GLI2: variants seen among roughly 807,000 people sequenced by gnomAD.
GLI2 encodes transcription activator GLI2.
GLI2 carries 22 observed loss-of-function variants against 78.9 expected under a neutral mutation model. The observed-to-expected ratio is 0.28, with a 90% CI of 0.20 to 0.40. GLI2 has a LOEUF of 0.40. Ranked by LOEUF, GLI2 falls within the 10% of genes least tolerant of loss-of-function variation. The pLI, the probability that GLI2 is intolerant of heterozygous loss-of-function variation, is 1.00. For missense variants in GLI2, 2,097 were observed against 2,213.2 expected, an observed-to-expected ratio of 0.95 and a Z score of 1.05; for synonymous variants, 974 against 963.7, an observed-to-expected ratio of 1.01 and a Z score of -0.20.
intron 1 of GLI2, among the ~76,000 whole-genome samples, chr2:120,777,329 AGTGAGT>A (rs1455668849): frequency 6.6e-6 from 1 of 151,554 alleles, no homozygotes; most frequent in African/African-American, 2.4e-5. Flanking sequence ...GCCGTGTGTG[AGTGAGT>A]GTGGGAGACG....
intron 2 of GLI2, among the ~76,000 whole-genome samples, chr2:120,891,124 G>T (rs1677659028): frequency 6.6e-6 from 1 of 152,204 alleles, no homozygotes; most frequent in Admixed American, 6.5e-5. Flanking sequence ...GCTGATGGCT[G>T]GTGGGGAGCA....
chr2:120,849,721 G>C (rs1228984614), intron 2 of GLI2, among the ~76,000 whole-genome samples: 3 of 152,216 alleles, frequency 2.0e-5, no homozygotes. Flanking sequence ...GACATCTGAA[G>C]AAAGGCTGCT....
chr2:120,797,662 A>ACCC (rs745311488), intron 2 of GLI2, among the ~76,000 whole-genome samples, 194 bp downstream of exon 2: 10 of 147,134 alleles, frequency 6.8e-5, no homozygotes, highest in South Asian at 2.2e-4. Context: ...AGGTCTGGCC[A>ACCC]CCCCAAGTCC....
intron 2 of GLI2, among the ~76,000 whole-genome samples, chr2:120,897,795 G>C (rs1200910290): frequency 6.6e-6 from 1 of 152,114 alleles, no homozygotes; most frequent in Non-Finnish European, 1.5e-5. Flanking sequence ...TACTCATGCT[G>C]AGCTGGTATC....
chr2:120,968,967 C>T (rs777338203), intron 6 of GLI2, 52 bp downstream of exon 6: 1 of 1,449,508 alleles, frequency 6.9e-7, no homozygotes, highest in East Asian at 2.3e-5. Flanking sequence ...GGCTGAGGGC[C>T]CGGTGGGGAG....
At chr2:120,869,064 T>A (rs1306137149) in intron 2 of GLI2, among the ~76,000 whole-genome samples, 1 of 152,228 alleles carries the variant, frequency 6.6e-6, no homozygotes, top group Non-Finnish European at 1.5e-5. Flanking sequence ...AGTTCTCTAT[T>A]CTGTTCCATT....
intron 2 of GLI2, among the ~76,000 whole-genome samples, chr2:120,850,659 G>T (rs1687362537): frequency 6.6e-6 from 1 of 152,178 alleles, no homozygotes; most frequent in African/African-American, 2.4e-5. Flanking sequence ...CTGTGCAGCT[G>T]CCCCCTCTCT....
At chr2:120,775,341 T>C (rs1253543289) in intron 1 of GLI2, among the ~76,000 whole-genome samples, 2 of 152,252 alleles carry the variant, frequency 1.3e-5, no homozygotes, top group East Asian at 3.9e-4. Context: ...TTAATAATTA[T>C]GCTTCGTGAC....
chr2:120,906,526 G>A (rs578218480), intron 2 of GLI2, among the ~76,000 whole-genome samples: 19 of 152,142 alleles, frequency 1.2e-4, no homozygotes, highest in South Asian at 4.2e-4. Flanking sequence ...TAGCTCCAGC[G>A]CACTCCCTCT....
At chr2:120,803,568 T>G (rs1339788579) in intron 2 of GLI2, among the ~76,000 whole-genome samples, 1 of 152,150 alleles carries the variant, frequency 6.6e-6, no homozygotes, top group Non-Finnish European at 1.5e-5. Flanking sequence ...TTGAGAGTGG[T>G]GGGTGCCCTG....
chr2:120,799,269 C>T (rs1455360232), intron 2 of GLI2, among the ~76,000 whole-genome samples: 1 of 152,212 alleles, frequency 6.6e-6, no homozygotes, highest in Non-Finnish European at 1.5e-5. Flanking sequence ...CTGCAGCACA[C>T]CCTTTCCTGC....
chr2:120,879,722 T>A (rs1677019575), intron 2 of GLI2, among the ~76,000 whole-genome samples: 1 of 152,200 alleles, frequency 6.6e-6, no homozygotes, highest in Non-Finnish European at 1.5e-5. Context: ...CAGTAACCCA[T>A]AATTACTACT....
At chr2:120,975,190 C>T (rs907699866) in intron 9 of GLI2, 81 bp downstream of exon 9, 1 of 1,402,558 alleles carries the variant, frequency 7.1e-7, no homozygotes, top group Non-Finnish European at 1.0e-6. Context: ...AGGGCCTCTA[C>T]TAGACAGAAG....
intron 1 of GLI2, among the ~76,000 whole-genome samples, chr2:120,749,586 C>T (rs1333421166): frequency 6.6e-6 from 1 of 152,200 alleles, no homozygotes; most frequent in Non-Finnish European, 1.5e-5. Context: ...GCCATTGTGC[C>T]TCTCTGGGTC....
intron 1 of GLI2, among the ~76,000 whole-genome samples, chr2:120,770,351 A>G (rs2104656372): frequency 6.6e-6 from 1 of 152,186 alleles, no homozygotes; most frequent in African/African-American, 2.4e-5. Flanking sequence ...GTCCCCGAGC[A>G]CGGGGCCCAG....
At chr2:120,920,092 C>T (rs1369354023) in intron 2 of GLI2, among the ~76,000 whole-genome samples, 1 of 152,264 alleles carries the variant, frequency 6.6e-6, no homozygotes, top group African/African-American at 2.4e-5. Context: ...AGCTAATTCC[C>T]TCCCGCAGTC....
At chr2:120,886,073 T>TTGTG (rs146469888) in intron 2 of GLI2, among the ~76,000 whole-genome samples, 2 of 150,906 alleles carry the variant, frequency 1.3e-5, no homozygotes, top group African/African-American at 4.9e-5. Flanking sequence ...CAAAGTAAAT[T>TTGTG]TGTGTGTGTG....
chr2:120,948,377 G>A (rs1227118130), intron 3 of GLI2, among the ~76,000 whole-genome samples: 4 of 152,300 alleles, frequency 2.6e-5, no homozygotes, highest in Non-Finnish European at 5.9e-5. Flanking sequence ...GGAAAAGGCT[G>A]CCCTGGGCTA....
intron 1 of GLI2, among the ~76,000 whole-genome samples, chr2:120,759,923 GGAA>G (rs1345282123): frequency 6.6e-6 from 1 of 152,200 alleles, no homozygotes; most frequent in Admixed American, 6.5e-5. Context: ...GGAAACAGGA[GGAA>G]GACTAAATAT....
Sources: gnomAD v4.1 joint callset for allele counts (sites outside exome capture counted in the v4.1 genomes callset) on GRCh38, gnomAD v4.1.1 for gene constraint, MANE v1.5 for transcripts, NCBI Gene and HGNC (gene_info 2026-07-23, HGNC 2026-07-21) for gene names.